Variants in DDB1 observed in about 807,000 individuals in gnomAD.
DDB1 encodes DNA damage-binding protein 1.
A neutral mutation model predicts 133.1 loss-of-function variants in DDB1; 18 were observed. The ratio of observed to expected loss-of-function variants is 0.14; its 90% CI spans 0.09 to 0.20. The LOEUF (loss-of-function observed/expected upper bound fraction) is 0.20. Among genes scored for constraint, DDB1 ranks in the 10% least tolerant of loss-of-function variants. DDB1 has a pLI of 1.00. For synonymous variants in DDB1, 580 were observed against 550.5 expected (o/e 1.05, Z -0.75); for missense variants, 828 against 1,459.2 (o/e 0.57, Z 7.05).
At chr11:61,316,147 T>C in intron 12 of DDB1, 138 bp downstream of exon 12, 1 of 722,496 alleles carries the variant, frequency 1.4e-6, no homozygotes, top group Admixed American at 2.3e-5. Flanking sequence ...TAGTGGATTA[T>C]CTGTAATTTT....
intron 9 of DDB1, chr11:61,321,902 A>G (rs976787361): frequency 1.9e-5 from 11 of 576,768 alleles, no homozygotes; most frequent in Non-Finnish European, 3.4e-5. Context: ...GGAAGCAAAA[A>G]GCTTCTACCA....
At chr11:61,309,629 TG>T (rs1353559439) in intron 20 of DDB1, among the ~76,000 whole-genome samples, 166 bp downstream of exon 20, 1 of 152,172 alleles carries the variant, frequency 6.6e-6, no homozygotes, top group Non-Finnish European at 1.5e-5. Flanking sequence ...TACTGTGTAC[TG>T]TTCACATGCT....
At position 61,330,118 on chromosome 11, in the gene DDB1, C is replaced by T. The variant is rs750703383; in HGVS notation, c.211-44G>A. 95 of 1,497,006 alleles carry T rather than the reference C, an allele frequency of 6.3e-5. 2 individuals are homozygous for T. The highest frequency in any genetic ancestry group is 7.4e-6 in the Non-Finnish European group (8 of 1,080,060). 92.7% of individuals were successfully genotyped at this position (1,497,006 alleles called of 1,614,324 possible). A position where few individuals can be genotyped will look rare whatever the true frequency, so the allele number is the denominator to read the frequency against. On this transcript the variant is annotated intron_variant, in intron 2 of 26. Coordinates refer to ENST00000301764, the MANE Select transcript of DDB1 (RefSeq NM_001923.5). ...CTATCAAAAGAGGTTCTTTTTAAAACAGGAACAACCTGTCCAGTCTTTAAG... is the reference window on the plus strand; with the variant it reads ...CTATCAAAAGAGGTTCTTTTTAAAATAGGAACAACCTGTCCAGTCTTTAAG...
chr11:61,321,041 C>A (rs1049712348), intron 10 of DDB1, among the ~76,000 whole-genome samples: 1 of 152,072 alleles, frequency 6.6e-6, no homozygotes, highest in South Asian at 2.1e-4. Context: ...TGCACCATCA[C>A]CCCTGGCTAA....
chr11:61,303,603 C>A (rs1855834248), intron 22 of DDB1, among the ~76,000 whole-genome samples: 1 of 147,386 alleles, frequency 6.8e-6, no homozygotes, highest in African/African-American at 2.6e-5. Context: ...ACTTGGGAGA[C>A]TGAGGCAGGA....
intron 7 of DDB1, 50 bp from the exon 8 acceptor site, chr11:61,323,144 G>A (rs1452918432): frequency 1.4e-6 from 2 of 1,464,716 alleles, no homozygotes; most frequent in African/African-American, 2.8e-5. Flanking sequence ...CCCTACGTGG[G>A]ATCCAGATAC....
chr11:61,329,623 T>C, intron 3 of DDB1, 39 bp from the exon 4 acceptor site: 1 of 1,558,812 alleles, frequency 6.4e-7, no homozygotes. Context: ...AACCTCAACA[T>C]CCACAGAGCA....
At chr11:61,323,146 T>A in intron 7 of DDB1, 52 bp from the exon 8 acceptor site, 1 of 1,428,800 alleles carries the variant, frequency 7.0e-7, no homozygotes, top group Non-Finnish European at 9.8e-7. Flanking sequence ...CTACGTGGGA[T>A]CCAGATACTA....
chr11:61,308,875 T>C (rs1855916006), intron 21 of DDB1, 108 bp downstream of exon 21: 1 of 1,088,844 alleles, frequency 9.2e-7, no homozygotes, highest in African/African-American at 1.6e-5. Flanking sequence ...CGCTACTTTG[T>C]TCTCCTTCAG....
In DDB1 at chr11:61,332,984, G is replaced by A. The variant is rs1221710283; in HGVS notation, c.-16C>T. On this transcript the variant is annotated 5_prime_UTR_variant, in exon 1 of 27. Coordinates refer to ENST00000301764, the MANE Select transcript of DDB1 (RefSeq NM_001923.5). ...TGTACGACATGTCGAGGCTTGGAGC[G>A]GCCCGTCGGGACTCGAGCGCGACAC... 3 of 1,498,346 alleles carry A rather than the reference G, an allele frequency of 2.0e-6. No individual in the cohort carries two copies. Among genetic ancestry groups the A allele is most frequent in the East Asian group, 2.7e-5 (1 of 37,020 alleles). 92.8% of individuals were successfully genotyped at this position (1,498,346 alleles called of 1,614,324 possible). A position where few individuals can be genotyped will look rare whatever the true frequency, so the allele number is the denominator to read the frequency against.
At chr11:61,320,884 C>G (rs1029467126) in intron 10 of DDB1, among the ~76,000 whole-genome samples, 1 of 151,152 alleles carries the variant, frequency 6.6e-6, no homozygotes, top group East Asian at 1.9e-4. Flanking sequence ...TGTGTAGCCT[C>G]TCTTTTTTTT....
At position 61,302,573 on chromosome 11, in the gene DDB1, T is replaced by A. The variant is rs1855816587; in HGVS notation, c.3112+9A>T. 6.2e-7 allele frequency: 1 copy of A among 1,613,938 alleles called. No individual in the cohort carries two copies. Among genetic ancestry groups the A allele is most frequent in the African/African-American group, 1.3e-5 (1 of 75,008 alleles). ...TGTGTGGGGGTGTGCCCCACAGGGG[T>A]GACCTTACCTATCATGCCGTTGACC... On this transcript the variant is annotated intron_variant, in intron 24 of 26. Coordinates refer to ENST00000301764, the MANE Select transcript of DDB1 (RefSeq NM_001923.5).
intron 4 of DDB1, 73 bp downstream of exon 4, chr11:61,329,290 C>T (rs1306678723): frequency 7.4e-7 from 1 of 1,360,010 alleles, no homozygotes; most frequent in Non-Finnish European, 1.1e-6. Flanking sequence ...CAAACCCAGA[C>T]ATGCCAGTTA....
At chr11:61,306,438 T>C (rs2134898795) in intron 21 of DDB1, among the ~76,000 whole-genome samples, 1 of 152,092 alleles carries the variant, frequency 6.6e-6, no homozygotes, top group Admixed American at 6.5e-5. Context: ...ACAACCACCA[T>C]CACCCACTAA....
chr11:61,312,644 G>A (rs1855996593), intron 16 of DDB1, among the ~76,000 whole-genome samples: 1 of 151,662 alleles, frequency 6.6e-6, no homozygotes, highest in Admixed American at 6.6e-5. Flanking sequence ...TTGTCACCAG[G>A]CTGGAGCGCA....
Position 61,312,038 on chromosome 11 carries a change from C to T in DDB1, c.2116G>A (p.Glu706Lys). 1.9e-6 allele frequency: 3 copies of T among 1,614,240 alleles called. No homozygotes were observed. Among genetic ancestry groups the T allele is most frequent in the Non-Finnish European group, 2.5e-6 (3 of 1,180,038 alleles). The change falls in exon 17 of 27, where the codon GAG becomes AAG. Residue 706 changes from glutamate (E) to lysine (K), a missense_variant. Coordinates refer to ENST00000301764, the MANE Select transcript of DDB1 (RefSeq NM_001923.5). ...GTGCGAATGTGCAGCTTCTGGATCTCATCGATGGTGCCAATGGTGAGGGTG... is the reference window on the plus strand; with the variant it reads ...GTGCGAATGTGCAGCTTCTGGATCTTATCGATGGTGCCAATGGTGAGGGTG... ...NSTLTIGTID[E>K]IQKLHIRTVP...
chr11:61,303,743 T>A, intron 22 of DDB1, 122 bp downstream of exon 22: 1 of 977,912 alleles, frequency 1.0e-6, no homozygotes, highest in Non-Finnish European at 1.5e-6. Flanking sequence ...ATGTAGAATG[T>A]CTGCTCCGGG....
intron 21 of DDB1, 41 bp downstream of exon 21, chr11:61,308,942 A>G (rs1236276840): frequency 6.3e-7 from 1 of 1,592,730 alleles, no homozygotes; most frequent in Non-Finnish European, 8.6e-7. Flanking sequence ...GCAGACAATG[A>G]TGGGCAGCCT....
intron 16 of DDB1, among the ~76,000 whole-genome samples, 178 bp from the exon 17 acceptor site, chr11:61,312,262 T>C (rs1254019336): frequency 6.7e-6 from 1 of 150,280 alleles, no homozygotes. Flanking sequence ...GATACTCTTA[T>C]TTCATTGGTC....
Sources: allele counts gnomAD v4.1 joint callset (sites outside exome capture counted in the v4.1 genomes callset), GRCh38; gene constraint gnomAD v4.1.1; transcripts MANE v1.5; gene names NCBI Gene and HGNC (gene_info 2026-07-23, HGNC 2026-07-21).